KCTD16: variants seen among roughly 807,000 people sequenced by gnomAD.
The protein encoded by KCTD16 is potassium channel tetramerization domain containing 16.
KCTD16 carries 13 observed loss-of-function variants against 33.2 expected under a neutral mutation model. That is an observed-to-expected ratio of 0.39 (90% CI 0.25 to 0.62). The LOEUF is 0.62. Among genes scored for constraint, KCTD16 ranks in the 20% least tolerant of loss-of-function variants. The pLI, the probability that KCTD16 is intolerant of heterozygous loss-of-function variation, is 0.50. For synonymous variants in KCTD16, 197 were observed against 195.3 expected, an observed-to-expected ratio of 1.01 and a Z score of -0.07; for missense variants, 441 against 525.1, an observed-to-expected ratio of 0.84 and a Z score of 1.57.
intron 2 of KCTD16, among the ~76,000 whole-genome samples, chr5:144,196,826 G>A (rs180934974): frequency 1.3e-5 from 2 of 152,340 alleles, no homozygotes; most frequent in Admixed American, 6.5e-5. Flanking sequence ...CATTGCAATA[G>A]TACCAGCCTG....
At chr5:144,374,106 G>T (rs1440687544) in intron 3 of KCTD16, among the ~76,000 whole-genome samples, 3 of 152,136 alleles carry the variant, frequency 2.0e-5, no homozygotes, top group African/African-American at 4.8e-5. Context: ...TACTTTGTTT[G>T]CAGTGCCTCT....
intron 3 of KCTD16, among the ~76,000 whole-genome samples, chr5:144,371,046 G>T (rs770236178): frequency 6.2e-4 from 94 of 151,936 alleles, no homozygotes; most frequent in Non-Finnish European, 1.3e-3. Flanking sequence ...AATTCTGTTG[G>T]AGTTAAGTCT....
In KCTD16 at chr5:144,170,895, C is replaced by G. The variant is rs554456579; in HGVS notation, c.-607C>G. 2.0e-5 allele frequency: 3 copies of G among 152,366 alleles called. No homozygotes were observed. The highest frequency in any genetic ancestry group is 4.4e-5 in the Non-Finnish European group (3 of 68,056). The allele number at this position is 152,366 out of a possible 1,614,324, so 9.4% of individuals were successfully genotyped here. On this transcript the variant is annotated 5_prime_UTR_variant, in exon 1 of 4. Transcript: ENST00000512467. ...CTCAGACCTAGGTGATGGAGGAAGA[C>G]TGGGAGGCGCTAAAATGAGACAGAC...
At chr5:144,405,159 T>C (rs946330665) in intron 3 of KCTD16, among the ~76,000 whole-genome samples, 2 of 152,232 alleles carry the variant, frequency 1.3e-5, no homozygotes, top group Non-Finnish European at 2.9e-5. Context: ...CACAACTTTC[T>C]AACTCCAAAG....
intron 2 of KCTD16, among the ~76,000 whole-genome samples, chr5:144,183,991 A>G (rs888400627): frequency 2.3e-4 from 35 of 152,312 alleles, no homozygotes; most frequent in East Asian, 1.7e-3. Flanking sequence ...GGTTTGTTAC[A>G]TTATCATTCA....
chr5:144,318,899 T>C (rs1232253108), intron 3 of KCTD16, among the ~76,000 whole-genome samples: 1 of 152,192 alleles, frequency 6.6e-6, no homozygotes, highest in Non-Finnish European at 1.5e-5. Flanking sequence ...ATAAAACTTG[T>C]GATTTAATGT....
At chr5:144,359,479 A>C in intron 3 of KCTD16, among the ~76,000 whole-genome samples, 1 of 152,070 alleles carries the variant, frequency 6.6e-6, no homozygotes, top group South Asian at 2.1e-4. Flanking sequence ...ATTGCTTCTT[A>C]TTATACTAAT....
intron 3 of KCTD16, among the ~76,000 whole-genome samples, chr5:144,226,068 T>C (rs1355226137): frequency 6.6e-6 from 1 of 152,224 alleles, no homozygotes; most frequent in Non-Finnish European, 1.5e-5. Context: ...TTATCTCTTA[T>C]GGTTTTTGTT....
chr5:144,371,823 C>G (rs10065477), intron 3 of KCTD16, among the ~76,000 whole-genome samples: 8,621 of 151,978 alleles, frequency 0.057, 810 homozygotes, highest in African/African-American at 0.19. Context: ...GGGATAGCTG[C>G]TGGGTAAGAG....
chr5:144,213,607 C>T (rs1462561768), intron 3 of KCTD16, among the ~76,000 whole-genome samples: 2 of 152,112 alleles, frequency 1.3e-5, no homozygotes, highest in African/African-American at 4.8e-5. Flanking sequence ...ATTTTAGAGG[C>T]CTAATCAAAT....
intron 3 of KCTD16, among the ~76,000 whole-genome samples, chr5:144,452,196 T>C (rs1049130703): frequency 2.0e-5 from 3 of 147,426 alleles, no homozygotes; most frequent in African/African-American, 7.9e-5. Flanking sequence ...TAGTTTGGCA[T>C]TGAGGAGCAC....
chr5:144,210,060 A>T (rs181742258), intron 3 of KCTD16, among the ~76,000 whole-genome samples: 1 of 151,948 alleles, frequency 6.6e-6, no homozygotes, highest in African/African-American at 2.4e-5. Flanking sequence ...GCATAGCATG[A>T]TGGTTCATAA....
At chr5:144,347,691 G>C (rs1752841251) in intron 3 of KCTD16, among the ~76,000 whole-genome samples, 1 of 152,294 alleles carries the variant, frequency 6.6e-6, no homozygotes, top group South Asian at 2.1e-4. Context: ...GAAACAGCAA[G>C]TGAAAAGGCT....
chr5:144,210,570 G>T (rs1753353849), intron 3 of KCTD16, among the ~76,000 whole-genome samples: 1 of 152,118 alleles, frequency 6.6e-6, no homozygotes, highest in African/African-American at 2.4e-5. Flanking sequence ...TATGTGGAAG[G>T]TGAGGTCATA....
rs34796022 is a variant in KCTD16, at chr5:144,316,826, C to CTTT, written c.832+109298_832+109300dup. ...CTGCACCTGGCCCTGGCCAGCATCC[C>CTTT]TTTTTTTTTTTTTTTTTTTTGATAC... On this transcript the variant is annotated intron_variant, in intron 3 of 3. Coordinates refer to ENST00000512467, the MANE Select transcript of KCTD16 (RefSeq NM_020768.4). Among the ~76,000 whole-genome samples the CTTT allele has an allele frequency of 4.4e-3, 493 of 111,148 alleles. 15 individuals carry two copies. In the East Asian group the frequency reaches 0.053, roughly 12 times the overall value. 72.9% of individuals were successfully genotyped at this position (111,148 alleles called of 152,430 possible).
intron 2 of KCTD16, among the ~76,000 whole-genome samples, chr5:144,185,156 A>G (rs1752700315): frequency 6.6e-6 from 1 of 152,198 alleles, no homozygotes; most frequent in Non-Finnish European, 1.5e-5. Context: ...CCAAAGTCAA[A>G]TGGCTGCTGA....
chr5:144,473,758 T>C lies in KCTD16; in HGVS notation c.931T>C (p.Ser311Pro). 6.2e-7 allele frequency: 1 copy of C among 1,614,052 alleles called. No individual in the cohort carries two copies. The highest frequency in any genetic ancestry group is 8.5e-7 in the Non-Finnish European group (1 of 1,179,992). The change falls in exon 4 of 4, where the codon TCC becomes CCC. Residue 311 changes from serine to proline, a missense_variant. Around this residue, in one of 3 missense-constraint regions of KCTD16, gnomAD observed 355 missense variants for 413.0 expected, o/e 0.86. Transcript: ENST00000512467. ...GAGCGGCACGTCTTGCAATGACCTC[T>C]CCACATCTAGCTGCGACAGCCAGTC... ...GESGTSCNDL[S>P]TSSCDSQSEA...
chr5:144,302,326 A>C (rs1751464096), intron 3 of KCTD16, among the ~76,000 whole-genome samples: 1 of 152,358 alleles, frequency 6.6e-6, no homozygotes, highest in African/African-American at 2.4e-5. Context: ...AGAAAGAGAA[A>C]TAAGTTTAAA....
intron 2 of KCTD16, chr5:144,205,799 A>G: frequency 2.6e-6 from 1 of 383,538 alleles, no homozygotes; most frequent in Non-Finnish European, 4.6e-6. Flanking sequence ...AACTTAAGAT[A>G]CGGAATGAAC....
Sources: allele counts gnomAD v4.1 joint callset (sites outside exome capture counted in the v4.1 genomes callset), GRCh38; gene constraint gnomAD v4.1.1; regional missense constraint gnomAD v4.1.1; transcripts MANE v1.5; gene names NCBI Gene and HGNC (gene_info 2026-07-23, HGNC 2026-07-21).